RTN4IP1: variants seen among roughly 807,000 people sequenced by gnomAD.
The protein encoded by RTN4IP1 is reticulon 4 interacting protein 1, also known as NAD(P)H oxidoreductase RTN4IP1, mitochondrial.
RTN4IP1 carries 32 observed loss-of-function variants against 46.6 expected under a neutral mutation model. The observed-to-expected ratio is 0.69, with a 90% CI of 0.52 to 0.92. The LOEUF (loss-of-function observed/expected upper bound fraction) is 0.92, where lower values mean the gene tolerates loss of function less well. Among genes scored for constraint, RTN4IP1 ranks in the 40% least tolerant of loss-of-function variants. The pLI is 0.00. For missense variants in RTN4IP1, 424 were observed against 485.8 expected (o/e 0.87, Z 1.20); for synonymous variants, 167 against 161.8 (o/e 1.03, Z -0.24).
intron 1 of RTN4IP1, among the ~76,000 whole-genome samples, chr6:106,628,150 C>G (rs1249588116): frequency 6.6e-6 from 1 of 151,516 alleles, no homozygotes; most frequent in African/African-American, 2.4e-5. Context: ...CTCAGAATAC[C>G]ACAAAGTTCC....
intron 4 of RTN4IP1, among the ~76,000 whole-genome samples, chr6:106,604,917 A>T (rs1010626369): frequency 6.6e-6 from 1 of 151,914 alleles, no homozygotes; most frequent in African/African-American, 2.4e-5. Flanking sequence ...CCACCCCTCC[A>T]GTAGTAGAGC....
At chr6:106,585,647 G>A (rs1165199031) in intron 7 of RTN4IP1, among the ~76,000 whole-genome samples, 1 of 152,140 alleles carries the variant, frequency 6.6e-6, no homozygotes, top group Non-Finnish European at 1.5e-5. Flanking sequence ...GGCCACTATA[G>A]GAGAGAAAGT....
intron 8 of RTN4IP1, among the ~76,000 whole-genome samples, chr6:106,578,937 T>C (rs1775291258): frequency 6.6e-6 from 1 of 151,790 alleles, no homozygotes; most frequent in African/African-American, 2.4e-5. Flanking sequence ...TTAACAAATC[T>C]TTAAAAATAT....
intron 3 of RTN4IP1, among the ~76,000 whole-genome samples, chr6:106,619,910 CTA>C (rs2114678098): frequency 6.7e-6 from 1 of 149,630 alleles, no homozygotes; most frequent in African/African-American, 2.5e-5. Context: ...CGCGCCTGGC[CTA>C]TGATTTTCTT....
intron 5 of RTN4IP1, among the ~76,000 whole-genome samples, chr6:106,600,594 G>T (rs897114542): frequency 1.3e-5 from 2 of 151,450 alleles, no homozygotes; most frequent in African/African-American, 2.4e-5. Context: ...TCTACCCCCA[G>T]CCCCTGACAA....
At chr6:106,585,204 T>C (rs964376062) in intron 7 of RTN4IP1, among the ~76,000 whole-genome samples, 1 of 152,260 alleles carries the variant, frequency 6.6e-6, no homozygotes, top group African/African-American at 2.4e-5. Flanking sequence ...CCAGGCACAC[T>C]GGCTCACACC....
chr6:106,581,900 C>T (rs1009301261), intron 8 of RTN4IP1, among the ~76,000 whole-genome samples: 2 of 152,152 alleles, frequency 1.3e-5, no homozygotes, highest in East Asian at 3.9e-4. Context: ...GGACAAAGAC[C>T]TCTCTAATAA....
At chr6:106,624,109 G>A (rs1776568441) in intron 1 of RTN4IP1, among the ~76,000 whole-genome samples, 1 of 152,124 alleles carries the variant, frequency 6.6e-6, no homozygotes, top group Admixed American at 6.5e-5. Flanking sequence ...AGGCTGGAGT[G>A]CAGTGGCATG....
chr6:106,590,369 G>C (rs1775622633), intron 6 of RTN4IP1, among the ~76,000 whole-genome samples: 1 of 151,576 alleles, frequency 6.6e-6, no homozygotes, highest in Non-Finnish European at 1.5e-5. Flanking sequence ...AGATAGAGGG[G>C]AATGGGTAGA....
At chr6:106,589,187 G>GGA (rs1562136318) in intron 6 of RTN4IP1, among the ~76,000 whole-genome samples, 3 of 9,810 alleles carry the variant, frequency 3.1e-4, no homozygotes, top group South Asian at 6.1e-3. Context: ...AGGAGGAGGA[G>GGA]GGAGGAGGAG....
At chr6:106,574,110 A>G (rs569138787) in intron 8 of RTN4IP1, among the ~76,000 whole-genome samples, 26 of 152,138 alleles carry the variant, frequency 1.7e-4, no homozygotes, top group Non-Finnish European at 3.5e-4. Flanking sequence ...GGTGAGTCCC[A>G]CTTTAGGGTG....
At chr6:106,594,121 A>C (rs1028640693) in intron 5 of RTN4IP1, among the ~76,000 whole-genome samples, 3 of 152,182 alleles carry the variant, frequency 2.0e-5, no homozygotes, top group Non-Finnish European at 2.9e-5. Context: ...TTTCCCATTT[A>C]GAGCTATTTA....
intron 1 of RTN4IP1, among the ~76,000 whole-genome samples, chr6:106,626,348 G>C (rs1002200391): frequency 3.3e-5 from 5 of 151,048 alleles, no homozygotes; most frequent in African/African-American, 1.2e-4. Context: ...ACTCTGTCAG[G>C]GAAAAAAAAA....
chr6:106,624,942 AAAAAAAAAAG>A (rs199706236), intron 1 of RTN4IP1, among the ~76,000 whole-genome samples: 5,560 of 148,762 alleles, frequency 0.037, 156 homozygotes, highest in Non-Finnish European at 0.057. Flanking sequence ...TCTCAAAAAA[AAAAAAAAAAG>A]AAAAAGAAAA....
chr6:106,580,511 G>A (rs1455838944), intron 8 of RTN4IP1, among the ~76,000 whole-genome samples: 2 of 152,062 alleles, frequency 1.3e-5, no homozygotes, highest in Admixed American at 6.5e-5. Context: ...CTGAGGTCAG[G>A]AGTTCAAGAC....
intron 6 of RTN4IP1, among the ~76,000 whole-genome samples, chr6:106,589,903 G>T (rs1002368370): frequency 6.6e-6 from 1 of 152,288 alleles, no homozygotes; most frequent in Middle Eastern, 3.4e-3. Context: ...AAGACCACTT[G>T]CCAGGAAGAG....
intron 3 of RTN4IP1, among the ~76,000 whole-genome samples, chr6:106,621,058 T>G (rs1776473910): frequency 6.6e-6 from 1 of 152,118 alleles, no homozygotes; most frequent in Non-Finnish European, 1.5e-5. Context: ...TTGATTAGAC[T>G]CCTGTTTTTA....
intron 8 of RTN4IP1, among the ~76,000 whole-genome samples, chr6:106,577,447 C>CA (rs58921891): frequency 0.018 from 982 of 55,396 alleles, 138 homozygotes; most frequent in African/African-American, 0.054. Context: ...GACCCTGTCT[C>CA]AAAAAAAAAA....
intron 4 of RTN4IP1, 84 bp from the exon 5 acceptor site, chr6:106,603,006 G>A: frequency 1.1e-6 from 1 of 875,508 alleles, no homozygotes; most frequent in South Asian, 1.7e-5. Flanking sequence ...ACTGGTTGAT[G>A]ATAAGATGAT....
Sources: gnomAD v4.1 joint callset for allele counts (sites outside exome capture counted in the v4.1 genomes callset) on GRCh38, gnomAD v4.1.1 for gene constraint, MANE v1.5 for transcripts, NCBI Gene and HGNC (gene_info 2026-07-23, HGNC 2026-07-21) for gene names.